ZC3H14: variants seen among roughly 807,000 people sequenced by gnomAD.
The protein encoded by ZC3H14 is zinc finger CCCH domain-containing protein 14.
In ZC3H14, 31 loss-of-function variants were observed where a neutral mutation model predicts 92.4. The ratio of observed to expected loss-of-function variants is 0.34; its 90% CI spans 0.25 to 0.45. The LOEUF is 0.45. Ranked by LOEUF, ZC3H14 falls within the 20% of genes least tolerant of loss-of-function variation. ZC3H14 has a pLI of 1.00. For synonymous variants in ZC3H14, 321 were observed against 300.9 expected (o/e 1.07, Z -0.69); for missense variants, 781 against 897.3 (o/e 0.87, Z 1.66).
rs1567006170 is a variant in ZC3H14 at position 88,614,961 on chromosome 14, T to C, written c.*3210T>C. 1 of 151,822 alleles carries C rather than the reference T, an allele frequency of 6.6e-6. No individual in the cohort carries two copies. Among genetic ancestry groups the C allele is most frequent in the African/African-American group, 2.4e-5 (1 of 41,434 alleles). The allele number at this position is 151,822 out of a possible 1,614,324, so 9.4% of individuals were successfully genotyped here. On this transcript the variant is annotated 3_prime_UTR_variant, in exon 17 of 17. Transcript: ENST00000251038. ...CACTTTTGTTTACATGTTAAACAAA[T>C]GTGTATATATTAGACTACATTAAAT...
chr14:88,616,651 T>A lies in ZC3H14; in HGVS notation c.*4900T>A, dbSNP rs989974138. 4 of 1,355,200 alleles carry A rather than the reference T, an allele frequency of 3.0e-6. No homozygotes were observed. Among genetic ancestry groups the A allele is most frequent in the Middle Eastern group, 2.3e-4 (1 of 4,352 alleles). The allele number at this position is 1,355,200 out of a possible 1,614,324, so 83.9% of individuals were successfully genotyped here. ...AAATTAGGACAAAACATTTTAAATA[T>A]ATGGGGAAAAGTGCTGATGATAAGA... On this transcript the variant is annotated 3_prime_UTR_variant, in exon 17 of 17. Transcript: ENST00000251038.
At position 88,625,773 on chromosome 14, in the gene ZC3H14, A is replaced by G. The variant is rs1831312471; in HGVS notation, c.*14022A>G. ...GTTCAACTGAAATTTGACATGGCAC[A>G]AACATTTCAATAGTCTTTTTCTCAA... On this transcript the variant is annotated 3_prime_UTR_variant, in exon 17 of 17. Coordinates refer to ENST00000251038, the MANE Select transcript of ZC3H14 (RefSeq NM_024824.5). 6.6e-6 allele frequency: 1 copy of G among 152,268 alleles called. No homozygotes were observed. Among genetic ancestry groups the G allele is most frequent in the African/African-American group, 2.4e-5 (1 of 41,468 alleles). 9.4% of individuals were successfully genotyped at this position (152,268 alleles called of 1,614,324 possible).
rs1054361940 is a variant in ZC3H14 at position 88,571,585 on chromosome 14, T to C, written c.236-445T>C. 2.0e-5 allele frequency among the ~76,000 whole-genome samples: 3 copies of C among 152,340 alleles called. No homozygotes were observed. In the East Asian group the frequency reaches 5.8e-4, roughly 29 times the overall value. On this transcript the variant is annotated intron_variant, in intron 4 of 16. Coordinates refer to ENST00000251038, the MANE Select transcript of ZC3H14 (RefSeq NM_024824.5). The stretch of plus-strand genomic sequence containing the variant: ...GAAAAATCACCTTTGAGATAATTGG[T>C]GATTTTTATTATATTTTTAAAATTT...
At chr14:88,592,577 G>A (rs57900341) in intron 9 of ZC3H14, among the ~76,000 whole-genome samples, 117 of 124,432 alleles carry the variant, frequency 9.4e-4, no homozygotes, top group African/African-American at 3.2e-3. Flanking sequence ...CTCACTCACC[G>A]CAGCCTCTGC....
Position 88,625,690 on chromosome 14 carries a change from C to T in ZC3H14, c.*13939C>T, listed in dbSNP as rs2089835019. 2 of 152,492 alleles carry T rather than the reference C, an allele frequency of 1.3e-5. No homozygotes were observed. Among genetic ancestry groups the T allele is most frequent in the African/African-American group, 4.8e-5 (2 of 41,456 alleles). 9.4% of individuals were successfully genotyped at this position (152,492 alleles called of 1,614,324 possible). A position where few individuals can be genotyped will look rare whatever the true frequency, so the allele number is the denominator to read the frequency against. On this transcript the variant is annotated 3_prime_UTR_variant, in exon 17 of 17. Coordinates refer to ENST00000251038, the MANE Select transcript of ZC3H14 (RefSeq NM_024824.5). ...GTGCTGGGATTATAGGTGTGAGCCA[C>T]TGTGCCCGGCCTGAGCCACGGTGCC...
intron 5 of ZC3H14, 135 bp downstream of exon 5, chr14:88,572,360 A>G (rs2080543332): frequency 8.8e-7 from 1 of 1,135,636 alleles, no homozygotes; most frequent in African/African-American, 1.6e-5. Flanking sequence ...AGTTTTTTGA[A>G]TAAAATAATG....
At chr14:88,579,639 G>A (rs1430248487) in intron 9 of ZC3H14, among the ~76,000 whole-genome samples, 1 of 152,172 alleles carries the variant, frequency 6.6e-6, no homozygotes, top group African/African-American at 2.4e-5. Flanking sequence ...CTCAAAGCAA[G>A]GTGCCATATT....
Position 88,621,980 on chromosome 14 carries a change from T to C in ZC3H14, c.*10229T>C. ...ACAGAATACTAAAACATACTATTCC[T>C]ATCTGGCTGTGTAAACTTGTATCCT... is the stretch of plus-strand genomic sequence containing the variant. On this transcript the variant is annotated 3_prime_UTR_variant, in exon 17 of 17. Transcript: ENST00000251038. The C allele has an allele frequency of 2.4e-6, 1 of 422,986 alleles. No individual in the cohort carries two copies. Among genetic ancestry groups the C allele is most frequent in the Non-Finnish European group, 4.8e-6 (1 of 209,002 alleles). 26.2% of individuals were successfully genotyped at this position (422,986 alleles called of 1,614,324 possible). A position where few individuals can be genotyped will look rare whatever the true frequency, so the allele number is the denominator to read the frequency against.
intron 9 of ZC3H14, 29 bp downstream of exon 9, chr14:88,578,169 T>C: frequency 1.2e-6 from 2 of 1,612,164 alleles, no homozygotes; most frequent in South Asian, 2.2e-5. Context: ...TTTCACTCTT[T>C]ACTACAGTTT....
At chr14:88,578,258 A>G in intron 9 of ZC3H14, 118 bp downstream of exon 9, 1 of 1,400,830 alleles carries the variant, frequency 7.1e-7, no homozygotes, top group Non-Finnish European at 9.9e-7. Flanking sequence ...TAAGCCCAGA[A>G]ATAGAATGAG....
chr14:88,573,196 C>T (rs1042085717), intron 6 of ZC3H14, among the ~76,000 whole-genome samples, 189 bp downstream of exon 6: 3 of 151,786 alleles, frequency 2.0e-5, no homozygotes, highest in Admixed American at 6.6e-5. Context: ...CTGGCTAACA[C>T]GGTGAAACCC....
At chr14:88,567,507 C>T (rs558202222) in intron 2 of ZC3H14, among the ~76,000 whole-genome samples, 1 of 150,986 alleles carries the variant, frequency 6.6e-6, no homozygotes, top group African/African-American at 2.4e-5. Context: ...ATTGAGTTGA[C>T]ATTATTTAAT....
At position 88,572,777 on chromosome 14, in the gene ZC3H14, T is replaced by C; in HGVS notation, c.631T>C (p.Ser211Pro). Residue 211 changes from serine (S) to proline (P), a missense_variant, in exon 6 of 17, where the codon TCT becomes CCT. By Grantham distance (74) the Ser-to-Pro change is moderately conservative. This residue lies in a region of ZC3H14 where 454 missense variants were observed against 438.5 expected (regional missense o/e 1.04). Coordinates refer to ENST00000251038, the MANE Select transcript of ZC3H14 (RefSeq NM_024824.5). ...ACTTACATATGGTTCTTCTCGCCCT[T>C]CTATTGAAATTTATCGACCACCTGC... Reference protein sequence around the residue: ...VTLTYGSSRPSIEIYRPPASR... With the variant: ...VTLTYGSSRPPIEIYRPPASR... 1 of 1,614,206 alleles carries C rather than the reference T, an allele frequency of 6.2e-7. No individual in the cohort carries two copies. Among genetic ancestry groups the C allele is most frequent in the Non-Finnish European group, 8.5e-7 (1 of 1,180,038 alleles).
intron 1 of ZC3H14, 159 bp downstream of exon 1, chr14:88,563,328 C>A (rs1395064735): frequency 6.7e-7 from 1 of 1,497,620 alleles, no homozygotes; most frequent in Non-Finnish European, 8.9e-7. Context: ...CGCCTCGGCC[C>A]TGGGGACATT....
chr14:88,614,417 G>A lies in ZC3H14; in HGVS notation c.*2666G>A, dbSNP rs772703320. ...TTCAATCACTGGTTATGCTTTCTGT[G>A]ATGTAATTTAGTCATTTCTATTTTT... On this transcript the variant is annotated 3_prime_UTR_variant, in exon 17 of 17. Coordinates refer to ENST00000251038, the MANE Select transcript of ZC3H14 (RefSeq NM_024824.5). 1 of 152,136 alleles carries A rather than the reference G, an allele frequency of 6.6e-6. No homozygotes were observed. Among genetic ancestry groups the A allele is most frequent in the Non-Finnish European group, 1.5e-5 (1 of 68,018 alleles). The allele number at this position is 152,136 out of a possible 1,614,324, so 9.4% of individuals were successfully genotyped here.
At position 88,620,884 on chromosome 14, in the gene ZC3H14, C is replaced by G; in HGVS notation, c.*9133C>G. The G allele has an allele frequency of 6.5e-7, 1 of 1,546,252 alleles. No homozygotes were observed. The highest frequency in any genetic ancestry group is 1.2e-5 in the South Asian group (1 of 80,932). The stretch of plus-strand genomic sequence containing the variant: ...ATGTCCCCTTCAGGGCTGTAACACA[C>G]AGTACGAGCAGCATGTCCCAAATTC... On this transcript the variant is annotated 3_prime_UTR_variant, in exon 17 of 17. Coordinates refer to ENST00000251038, the MANE Select transcript of ZC3H14 (RefSeq NM_024824.5). This position sits in a 1 kb window ranked among gnomAD's most constrained non-coding sequence, Gnocchi z 4.3.
chr14:88,587,546 T>G (rs1238328064), intron 9 of ZC3H14, among the ~76,000 whole-genome samples: 2 of 152,166 alleles, frequency 1.3e-5, no homozygotes, highest in African/African-American at 4.8e-5. Context: ...TCACCTGTTC[T>G]TTTATATTGT....
chr14:88,624,645 T>C lies in ZC3H14; in HGVS notation c.*12894T>C, dbSNP rs888461125. ...AGAGCAGGCAGTCAAAATACAACCCTGGCTCCAGATTCCCCCATGGGCCTC... is the reference window on the plus strand; with the variant it reads ...AGAGCAGGCAGTCAAAATACAACCCCGGCTCCAGATTCCCCCATGGGCCTC... On this transcript the variant is annotated 3_prime_UTR_variant, in exon 17 of 17. Transcript: ENST00000251038. The C allele has an allele frequency of 4.4e-6, 1 of 226,960 alleles. No homozygotes were observed. Among genetic ancestry groups the C allele is most frequent in the African/African-American group, 2.3e-5 (1 of 43,280 alleles). The allele number at this position is 226,960 out of a possible 1,614,324, so 14.1% of individuals were successfully genotyped here.
rs368785339 is a variant in ZC3H14 at position 88,574,818 on chromosome 14, C to T, written c.987C>T (p.Ser329=). 5 of 1,614,094 alleles carry T rather than the reference C, an allele frequency of 3.1e-6. No individual in the cohort carries two copies. The Admixed American group carries it at 6.7e-5, about 22-fold the overall frequency. Residue 329 remains serine (S), a synonymous_variant, in exon 7 of 17, where the codon TCC becomes TCT. Transcript: ENST00000251038. ...ACGGGTCTCGAACAGGAAGCATCTC[C>T]AGCAGTGTGTCTGTGCCTGCAAAGC... ...DDYGSRTGSI[S]SSVSVPAKPE...
Sources: allele counts gnomAD v4.1 joint callset (sites outside exome capture counted in the v4.1 genomes callset), GRCh38; gene constraint gnomAD v4.1.1; regional missense constraint gnomAD v4.1.1; non-coding constraint Gnocchi (gnomAD v3.1); transcripts MANE v1.5; gene names NCBI Gene and HGNC (gene_info 2026-07-23, HGNC 2026-07-21).